Variants in MTHFD1L observed in about 807,000 individuals in gnomAD.
The protein encoded by MTHFD1L is methylenetetrahydrofolate dehydrogenase (NADP+ dependent) 1 like.
Under a neutral mutation model 119.5 loss-of-function variants are expected in MTHFD1L, and 81 were observed. The ratio of observed to expected loss-of-function variants is 0.68; its 90% CI spans 0.57 to 0.82. MTHFD1L has a LOEUF of 0.82. MTHFD1L is among the 40% of genes least tolerant of loss of function. The pLI, the probability that MTHFD1L is intolerant of heterozygous loss-of-function variation, is 0.00. For synonymous variants in MTHFD1L, 430 were observed against 475.2 expected, an observed-to-expected ratio of 0.90 and a Z score of 1.24; for missense variants, 1,125 against 1,253.4, an observed-to-expected ratio of 0.90 and a Z score of 1.55.
At chr6:151,015,260 CTG>C (rs1443986869) in intron 23 of MTHFD1L, among the ~76,000 whole-genome samples, 1 of 122,866 alleles carries the variant, frequency 8.1e-6, no homozygotes, top group Non-Finnish European at 1.6e-5. Flanking sequence ...CTGAAACAAA[CTG>C]TGAATGATCA....
At chr6:151,068,452 C>T (rs1236400043) in intron 26 of MTHFD1L, among the ~76,000 whole-genome samples, 1 of 152,206 alleles carries the variant, frequency 6.6e-6, no homozygotes, top group African/African-American at 2.4e-5. Context: ...TGAGGCATTT[C>T]CTCATAGCTC....
intron 24 of MTHFD1L, among the ~76,000 whole-genome samples, chr6:151,023,314 C>T (rs753483137): frequency 3.9e-5 from 6 of 151,958 alleles, no homozygotes; most frequent in African/African-American, 1.2e-4. Context: ...CCCAAAGTGC[C>T]GGGATTACAG....
At chr6:150,971,866 C>T in intron 19 of MTHFD1L, 81 bp from the exon 20 acceptor site, 1 of 1,169,672 alleles carries the variant, frequency 8.5e-7, no homozygotes, top group Admixed American at 1.8e-5. Context: ...AGCTTTCCTA[C>T]CCCATTTGCC....
intron 8 of MTHFD1L, chr6:150,912,790 G>A (rs1308157305): frequency 5.4e-5 from 23 of 422,148 alleles, no homozygotes; most frequent in Admixed American, 4.9e-4. Flanking sequence ...CCACGGTTTC[G>A]GATGAGATCC....
At chr6:150,923,537 A>ATTTATTTTT (rs1254981530) in intron 10 of MTHFD1L, among the ~76,000 whole-genome samples, 1 of 95,208 alleles carries the variant, frequency 1.1e-5, no homozygotes, top group African/African-American at 5.1e-5. Context: ...TTATTTATTT[A>ATTTATTTTT]TTTTTTCTTT....
chr6:150,996,995 G>C (rs764506386), intron 20 of MTHFD1L, among the ~76,000 whole-genome samples: 2 of 152,132 alleles, frequency 1.3e-5, no homozygotes, highest in African/African-American at 2.4e-5. Flanking sequence ...CCGAATCCCA[G>C]ACTCACTACC....
At chr6:150,966,810 T>A (rs894357051) in intron 19 of MTHFD1L, among the ~76,000 whole-genome samples, 1 of 151,608 alleles carries the variant, frequency 6.6e-6, no homozygotes, top group African/African-American at 2.4e-5. Context: ...GGCGACAGAG[T>A]GAGCCTCTTA....
At chr6:150,906,788 G>C (rs966788597) in intron 8 of MTHFD1L, among the ~76,000 whole-genome samples, 3 of 152,136 alleles carry the variant, frequency 2.0e-5, no homozygotes, top group African/African-American at 7.2e-5. Context: ...GCCCTAGCCA[G>C]AGGTTGTTAC....
intron 26 of MTHFD1L, among the ~76,000 whole-genome samples, chr6:151,072,015 G>A (rs1471042785): frequency 1.3e-5 from 2 of 151,742 alleles, no homozygotes; most frequent in Admixed American, 6.6e-5. Flanking sequence ...GTTAATTTTT[G>A]TATTTTTAGT....
chr6:151,099,262 G>C lies in MTHFD1L; in HGVS notation c.*32-2264G>C, dbSNP rs1795149005. Among the ~76,000 whole-genome samples the C allele has an allele frequency of 2.6e-5, 4 of 151,792 alleles. No individual in the cohort carries two copies. In the South Asian group the frequency reaches 8.4e-4, roughly 32 times the overall value. ...ACAAATGTAATGTGGCTAATCAGCT[G>C]GTCTTCCACCACCCACCTCTGGAGC... is the stretch of plus-strand genomic sequence containing the variant. On this transcript the variant is annotated intron_variant, in intron 27 of 27. Transcript: ENST00000367321.
intron 24 of MTHFD1L, among the ~76,000 whole-genome samples, chr6:151,021,463 G>A (rs1199642746): frequency 6.6e-6 from 1 of 152,070 alleles, no homozygotes; most frequent in Non-Finnish European, 1.5e-5. Context: ...CAGGAGAATC[G>A]CTTGAACCTG....
intron 1 of MTHFD1L, among the ~76,000 whole-genome samples, chr6:150,871,337 G>A (rs561868178): frequency 6.7e-6 from 1 of 149,908 alleles, no homozygotes; most frequent in East Asian, 2.0e-4. Flanking sequence ...TTGCTGTATT[G>A]ATGGAACTCT....
intron 16 of MTHFD1L, among the ~76,000 whole-genome samples, chr6:150,952,399 T>G (rs1027782514): frequency 6.6e-6 from 1 of 152,236 alleles, no homozygotes; most frequent in African/African-American, 2.4e-5. Context: ...TGGATCCTTA[T>G]TTGATTTGAC....
At chr6:151,097,262 A>G (rs2128664327) in intron 27 of MTHFD1L, among the ~76,000 whole-genome samples, 1 of 152,332 alleles carries the variant, frequency 6.6e-6, no homozygotes, top group Admixed American at 6.5e-5. Context: ...CCTGCTACAA[A>G]TGTTTGTTAT....
At chr6:151,051,383 T>A (rs1426515664) in intron 26 of MTHFD1L, among the ~76,000 whole-genome samples, 6 of 152,156 alleles carry the variant, frequency 3.9e-5, no homozygotes, top group African/African-American at 1.4e-4. Flanking sequence ...CCATCACCTG[T>A]TCTTAGCAAA....
rs1562348409 is a variant in MTHFD1L at position 150,903,203 on chromosome 6, A to ATTCTTTTTTTTTTTTTTT, written c.781-2445_781-2444insCTTTTTTTTTTTTTTTTT. 7.0e-5 allele frequency among the ~76,000 whole-genome samples: 6 copies of ATTCTTTTTTTTTTTTTTT among 85,474 alleles called. 1 individual carries two copies. Among genetic ancestry groups the ATTCTTTTTTTTTTTTTTT allele is most frequent in the African/African-American group, 3.0e-4 (6 of 19,990 alleles). 56.1% of individuals were successfully genotyped at this position (85,474 alleles called of 152,430 possible). ...GATTGCTGGTGATATTGGCTGCAAA[A>ATTCTTTTTTTTTTTTTTT]TTTTTTTTTTTTTTTTTTTTTTTTT... On this transcript the variant is annotated intron_variant, in intron 7 of 27. Coordinates refer to ENST00000367321, the MANE Select transcript of MTHFD1L (RefSeq NM_015440.5).
At chr6:150,882,705 G>T in intron 4 of MTHFD1L, 57 bp from the exon 5 acceptor site, 1 of 1,262,780 alleles carries the variant, frequency 7.9e-7, no homozygotes, top group South Asian at 1.7e-5. Flanking sequence ...AGCTTCCTTT[G>T]TTGGGTCTCA....
intron 9 of MTHFD1L, among the ~76,000 whole-genome samples, chr6:150,921,574 G>A (rs899878604): frequency 2.0e-5 from 3 of 152,036 alleles, no homozygotes; most frequent in African/African-American, 7.2e-5. Context: ...TATTTTTAAA[G>A]AGACAGAATC....
intron 26 of MTHFD1L, among the ~76,000 whole-genome samples, chr6:151,089,496 G>C (rs1237835577): frequency 6.6e-6 from 1 of 152,156 alleles, no homozygotes; most frequent in Non-Finnish European, 1.5e-5. Context: ...CCAGCTACTC[G>C]GGAGGCCGAA....
Sources: gnomAD v4.1 joint callset for allele counts (sites outside exome capture counted in the v4.1 genomes callset) on GRCh38, gnomAD v4.1.1 for gene constraint, MANE v1.5 for transcripts, NCBI Gene and HGNC (gene_info 2026-07-23, HGNC 2026-07-21) for gene names.